GANC: variants seen among roughly 807,000 people sequenced by gnomAD.
The protein encoded by GANC is neutral alpha-glucosidase C.
A neutral mutation model predicts 124.2 loss-of-function variants in GANC; 117 were observed. That is an observed-to-expected ratio of 0.94 (90% CI 0.81 to 1.10). GANC has a LOEUF of 1.10. Ranked by LOEUF, GANC falls within the 50% of genes least tolerant of loss-of-function variation. GANC has a pLI of 0.00. For synonymous variants in GANC, 377 were observed against 376.8 expected, an observed-to-expected ratio of 1.00 and a Z score of -0.01; for missense variants, 1,140 against 1,095.0, an observed-to-expected ratio of 1.04 and a Z score of -0.58.
intron 17 of GANC, among the ~76,000 whole-genome samples, chr15:42,340,416 G>C (rs544976214): frequency 1.1e-4 from 16 of 152,138 alleles, no homozygotes; most frequent in Admixed American, 1.0e-3. Flanking sequence ...AGACCAGCCT[G>C]ACCAATATGA....
chr15:42,350,326 A>T (rs112928570), intron 22 of GANC, among the ~76,000 whole-genome samples: 1 of 151,792 alleles, frequency 6.6e-6, no homozygotes, highest in Non-Finnish European at 1.5e-5. Flanking sequence ...CACTCCGCCC[A>T]TCTCCCCGAC....
In GANC at chr15:42,301,973, G is replaced by A. The variant is rs148777000; in HGVS notation, c.558+4317G>A. Among the ~76,000 whole-genome samples, 554 of 152,304 alleles carry A rather than the reference G, an allele frequency of 3.6e-3. 5 individuals carry two copies. The highest frequency in any genetic ancestry group is 0.013 in the African/African-American group (522 of 41,564). ...GCCTGCCAGCTCTGAAGAGAGCAGCGGGTCTCCCAGCACAGTGCTCGAGCT... is the reference window on the plus strand; with the variant it reads ...GCCTGCCAGCTCTGAAGAGAGCAGCAGGTCTCCCAGCACAGTGCTCGAGCT... On this transcript the variant is annotated intron_variant, in intron 6 of 23. Coordinates refer to ENST00000318010, the MANE Select transcript of GANC (RefSeq NM_198141.3).
At chr15:42,332,523 C>A (rs1002073002) in intron 15 of GANC, among the ~76,000 whole-genome samples, 1 of 151,918 alleles carries the variant, frequency 6.6e-6, no homozygotes, top group Admixed American at 6.6e-5. Flanking sequence ...AAGTCATATG[C>A]GATGATCAAT....
At chr15:42,279,540 G>T (rs1002875452) in intron 3 of GANC, among the ~76,000 whole-genome samples, 1 of 152,198 alleles carries the variant, frequency 6.6e-6, no homozygotes, top group East Asian at 1.9e-4. Context: ...CCGTGAAGTT[G>T]TCATGTTACT....
chr15:42,345,075 A>G (rs755544112), intron 19 of GANC, among the ~76,000 whole-genome samples: 1 of 152,176 alleles, frequency 6.6e-6, no homozygotes, highest in Non-Finnish European at 1.5e-5. Flanking sequence ...GAAGAAAGAA[A>G]AAGATGTTTG....
Position 42,352,192 on chromosome 15 carries a change from T to G in GANC, c.*53T>G, listed in dbSNP as rs145432566. 6.3e-7 allele frequency: 1 copy of G among 1,599,536 alleles called. No individual in the cohort carries two copies. The highest frequency in any genetic ancestry group is 8.5e-7 in the Non-Finnish European group (1 of 1,172,320). ...AGGGACCTGCCTGCCCCTTTCAACC[T>G]TTCCCCTCACCTTTTTTGAGATTTT... On this transcript the variant is annotated 3_prime_UTR_variant, in exon 24 of 24. Coordinates refer to ENST00000318010, the MANE Select transcript of GANC (RefSeq NM_198141.3).
chr15:42,287,127 G>A (rs1305667872), intron 3 of GANC, among the ~76,000 whole-genome samples: 2 of 152,150 alleles, frequency 1.3e-5, no homozygotes, highest in Non-Finnish European at 2.9e-5. Flanking sequence ...AAAGTTCCCC[G>A]GGTCTATTTT....
At chr15:42,295,891 T>C (rs7172709) in intron 5 of GANC, among the ~76,000 whole-genome samples, 138,400 of 152,128 alleles carry the variant, frequency 0.91, 64,307 homozygotes, top group Non-Finnish European at 1. Context: ...GCTATAATAC[T>C]AGCACTTTGG....
At chr15:42,286,010 G>GC (rs1566949770) in intron 3 of GANC, among the ~76,000 whole-genome samples, 3 of 144,570 alleles carry the variant, frequency 2.1e-5, no homozygotes, top group Non-Finnish European at 4.6e-5. Flanking sequence ...ACAAAAATTA[G>GC]TTTTTTTTTT....
At chr15:42,321,693 C>G in intron 10 of GANC, 92 bp from the exon 11 acceptor site, 1 of 1,094,734 alleles carries the variant, frequency 9.1e-7, no homozygotes, top group South Asian at 1.4e-5. Flanking sequence ...AAGCTCAGTG[C>G]TGAATACTCT....
At chr15:42,347,126 A>G (rs2052372146) in intron 20 of GANC, among the ~76,000 whole-genome samples, 1 of 148,976 alleles carries the variant, frequency 6.7e-6, no homozygotes, top group African/African-American at 2.5e-5. Flanking sequence ...CTTGGGCTGG[A>G]CTCCCATTCT....
Position 42,308,518 on chromosome 15 carries a change from C to G in GANC, c.722+200C>G, listed in dbSNP as rs530638901. On this transcript the variant is annotated intron_variant, in intron 8 of 23. Coordinates refer to ENST00000318010, the MANE Select transcript of GANC (RefSeq NM_198141.3). ...CTTTTTTTTGAGACAGAGTCTTGCTCTGTCGCCCAGGCTGGAGTGCAGTGG... is the reference window on the plus strand; with the variant it reads ...CTTTTTTTTGAGACAGAGTCTTGCTGTGTCGCCCAGGCTGGAGTGCAGTGG... Among the ~76,000 whole-genome samples the G allele has an allele frequency of 4.6e-5, 7 of 152,278 alleles. 1 individual carries two copies. The East Asian group carries it at 1.4e-3, about 29-fold the overall frequency.
intron 14 of GANC, 146 bp downstream of exon 14, chr15:42,329,595 A>G (rs1176332922): frequency 1.6e-6 from 1 of 607,734 alleles, no homozygotes; most frequent in Non-Finnish European, 2.6e-6. Context: ...CTTAGGTAGT[A>G]GCCAATACAA....
intron 7 of GANC, 63 bp downstream of exon 7, chr15:42,306,675 CA>C (rs35753497): frequency 8.7e-7 from 1 of 1,149,060 alleles, no homozygotes; most frequent in Admixed American, 2.3e-5. Context: ...ATAATTCTAT[CA>C]AAAAGCCCCT....
At chr15:42,291,762 G>A (rs576680356) in intron 4 of GANC, among the ~76,000 whole-genome samples, 7 of 152,220 alleles carry the variant, frequency 4.6e-5, no homozygotes, top group African/African-American at 1.4e-4. Flanking sequence ...ATGGTTTAAC[G>A]CTTGGGGCAG....
Position 42,330,573 on chromosome 15 carries a change from T to C in GANC, c.1645-3T>C, listed in dbSNP as rs8042890. On this transcript the variant is annotated splice_polypyrimidine_tract_variant and splice_region_variant and intron_variant, in intron 14 of 23. Transcript: ENST00000318010. The stretch of plus-strand genomic sequence containing the variant: ...TTGAAATTTTTCTTGTTTGGTGATA[T>C]AGCAAATGGCTACTGCAGAAGGACT... 1.2e-4 allele frequency: 195 copies of C among 1,610,356 alleles called. No individual in the cohort carries two copies. In the African/African-American group the frequency reaches 2.3e-3, roughly 19 times the overall value.
Position 42,329,322 on chromosome 15 carries a change from T to G in GANC, c.1517T>G (p.Leu506Arg). Residue 506 changes from leucine (L) to arginine (R), a missense_variant, in exon 14 of 24, where the codon CTC becomes CGC. Leu to Arg is a moderately radical substitution (Grantham distance 102). Transcript: ENST00000318010. Reference sequence around the variant, plus strand: ...ACTTCCTAGGGATCTACGGACATCCTCTTCCTTTGGAATGACATGAATGAG... The same window carrying G: ...ACTTCCTAGGGATCTACGGACATCCGCTTCCTTTGGAATGACATGAATGAG... Reference protein sequence around the residue: ...FPVYQGSTDILFLWNDMNEPS... With the variant: ...FPVYQGSTDIRFLWNDMNEPS... The G allele has an allele frequency of 6.2e-7, 1 of 1,613,780 alleles. No individual in the cohort carries two copies. The highest frequency in any genetic ancestry group is 8.5e-7 in the Non-Finnish European group (1 of 1,179,810).
intron 4 of GANC, among the ~76,000 whole-genome samples, chr15:42,292,371 CTG>C (rs754422691): frequency 2.1e-5 from 1 of 47,838 alleles, no homozygotes; most frequent in African/African-American, 5.0e-5. Flanking sequence ...CTAACATTTA[CTG>C]TGTGTTTTTT....
Position 42,334,137 on chromosome 15 carries a change from A to T in GANC, c.1741+3465A>T, listed in dbSNP as rs370760154. Among the ~76,000 whole-genome samples, 13 of 149,560 alleles carry T rather than the reference A, an allele frequency of 8.7e-5. No homozygotes were observed. The East Asian group carries it at 1.2e-3, about 14-fold the overall frequency. On this transcript the variant is annotated intron_variant, in intron 15 of 23. Coordinates refer to ENST00000318010, the MANE Select transcript of GANC (RefSeq NM_198141.3). ...TTTTAAAAGCTAAAAATACAACCTA[A>T]CTTCTGGAAAAAAACATAGAATAAA... is the stretch of plus-strand genomic sequence containing the variant.
Sources: allele counts gnomAD v4.1 joint callset (sites outside exome capture counted in the v4.1 genomes callset), GRCh38; gene constraint gnomAD v4.1.1; transcripts MANE v1.5; gene names NCBI Gene and HGNC (gene_info 2026-07-23, HGNC 2026-07-21).